ZNF385B: variants seen among roughly 807,000 people sequenced by gnomAD.
The protein encoded by ZNF385B is zinc finger protein 533.
In ZNF385B, 23 loss-of-function variants were observed where a neutral mutation model predicts 39.2. The ratio of observed to expected loss-of-function variants is 0.59; its 90% CI spans 0.42 to 0.83. The LOEUF is 0.83. ZNF385B is among the 40% of genes least tolerant of loss of function. The probability of loss-of-function intolerance (pLI) is 0.00; values close to 1 mark genes in which losing one functional copy is unlikely to be tolerated. For synonymous variants in ZNF385B, 205 were observed against 222.6 expected (o/e 0.92, Z 0.70); for missense variants, 552 against 598.9 (o/e 0.92, Z 0.82).
At chr2:179,753,195 T>C (rs1211512215) in intron 3 of ZNF385B, among the ~76,000 whole-genome samples, 1 of 152,226 alleles carries the variant, frequency 6.6e-6, no homozygotes, top group Non-Finnish European at 1.5e-5. Flanking sequence ...TAGGGAATCA[T>C]TTCCCCATTT....
intron 3 of ZNF385B, among the ~76,000 whole-genome samples, chr2:179,688,479 G>A (rs2106338625): frequency 7.6e-6 from 1 of 132,376 alleles, no homozygotes; most frequent in East Asian, 2.2e-4. Flanking sequence ...ACCCCACCCT[G>A]TCCCCCTGCA....
chr2:179,753,574 G>C (rs944094532), intron 3 of ZNF385B, among the ~76,000 whole-genome samples: 3 of 152,112 alleles, frequency 2.0e-5, no homozygotes, highest in African/African-American at 7.2e-5. Context: ...CCATGACCAT[G>C]GAATTCTTCC....
At chr2:179,663,579 G>A (rs1011102301) in intron 3 of ZNF385B, among the ~76,000 whole-genome samples, 4 of 151,940 alleles carry the variant, frequency 2.6e-5, no homozygotes, top group Admixed American at 6.6e-5. Flanking sequence ...GCGTGGTGGC[G>A]GGCGCCTGTA....
chr2:179,571,219 A>C (rs912792811), intron 3 of ZNF385B, among the ~76,000 whole-genome samples: 1 of 152,202 alleles, frequency 6.6e-6, no homozygotes, highest in South Asian at 2.1e-4. Flanking sequence ...TGCTCCAAAC[A>C]TCTTTTTATG....
intron 3 of ZNF385B, among the ~76,000 whole-genome samples, chr2:179,692,488 T>C (rs1180539434): frequency 2.6e-5 from 4 of 152,162 alleles, no homozygotes; most frequent in Admixed American, 2.6e-4. Context: ...TAGATAATCT[T>C]GATGTGACCT....
chr2:179,529,298 T>C (rs2059118658), intron 4 of ZNF385B, among the ~76,000 whole-genome samples: 1 of 152,156 alleles, frequency 6.6e-6, no homozygotes, highest in Admixed American at 6.5e-5. Flanking sequence ...CTAAGAAAAC[T>C]CTGTGCTTTT....
At position 179,518,605 on chromosome 2, in the gene ZNF385B, T is replaced by C. The variant is rs1421952428; in HGVS notation, c.475A>G (p.Thr159Ala). The part of the protein sequence containing the change: ...DPVQKAVINH[T>A]FGVSIPPKKK... ...TTTGGGGGAATGGATACTCCAAATGTATGGTTAATAACCGCTTTTTGCACA... is the reference window on the plus strand; with the variant it reads ...TTTGGGGGAATGGATACTCCAAATGCATGGTTAATAACCGCTTTTTGCACA... The change falls in exon 5 of 10, where the codon ACA becomes GCA. Residue 159 changes from threonine to alanine, a missense_variant. Thr to Ala is a moderately conservative substitution (Grantham distance 58). Transcript: ENST00000410066. The C allele has an allele frequency of 6.2e-7, 1 of 1,604,606 alleles. No homozygotes were observed. Among genetic ancestry groups the C allele is most frequent in the Non-Finnish European group, 8.5e-7 (1 of 1,176,854 alleles).
rs79009621 is a variant in ZNF385B, at chr2:179,744,724, T to A, written c.298+24779A>T. Among the ~76,000 whole-genome samples the A allele has an allele frequency of 3.8e-3, 574 of 152,270 alleles. 1 individual carries two copies. Among genetic ancestry groups the A allele is most frequent in the Non-Finnish European group, 6.8e-3 (461 of 67,994 alleles). On this transcript the variant is annotated intron_variant, in intron 3 of 9. Transcript: ENST00000410066. The stretch of plus-strand genomic sequence containing the variant: ...TACACTTATATACATACACACCCCA[T>A]GTGCCATGCTAGCTGCTTCCAATCA...
intron 6 of ZNF385B, among the ~76,000 whole-genome samples, chr2:179,450,372 C>G (rs943705233): frequency 6.6e-6 from 1 of 152,148 alleles, no homozygotes; most frequent in Non-Finnish European, 1.5e-5. Flanking sequence ...GGGCTAATAT[C>G]CAGAATCTAC....
intron 5 of ZNF385B, among the ~76,000 whole-genome samples, chr2:179,492,357 G>GT (rs1458830525): frequency 6.6e-6 from 1 of 152,178 alleles, no homozygotes; most frequent in Non-Finnish European, 1.5e-5. Flanking sequence ...CATTAAAGCT[G>GT]TGACTCTATA....
At chr2:179,543,053 C>G (rs914753609) in intron 4 of ZNF385B, among the ~76,000 whole-genome samples, 1 of 152,122 alleles carries the variant, frequency 6.6e-6, no homozygotes, top group Non-Finnish European at 1.5e-5. Context: ...GGGTGAATCA[C>G]CTGAGGCCAG....
rs139668597 is a variant in ZNF385B at position 179,472,852 on chromosome 2, A to G, written c.715+10420T>C. 7.9e-4 allele frequency among the ~76,000 whole-genome samples: 121 copies of G among 152,266 alleles called. 1 individual carries two copies. In the East Asian group the frequency reaches 0.021, roughly 27 times the overall value. On this transcript the variant is annotated intron_variant, in intron 6 of 9. Coordinates refer to ENST00000410066, the MANE Select transcript of ZNF385B (RefSeq NM_152520.6). ...GTGGCATCCAGTATTCTCTTTCCAC[A>G]GATGGGGATGTGTTAGATCGTTCTT...
intron 5 of ZNF385B, among the ~76,000 whole-genome samples, chr2:179,498,818 G>A (rs1574464730): frequency 6.6e-6 from 1 of 151,496 alleles, no homozygotes; most frequent in African/African-American, 2.4e-5. Context: ...TAGAAAAAAA[G>A]AATAGAGTAG....
At chr2:179,657,775 A>G (rs1375050174) in intron 3 of ZNF385B, among the ~76,000 whole-genome samples, 3 of 152,242 alleles carry the variant, frequency 2.0e-5, no homozygotes, top group East Asian at 3.8e-4. Flanking sequence ...TTAAAGTATT[A>G]TGCTTGACAC....
intron 4 of ZNF385B, among the ~76,000 whole-genome samples, chr2:179,534,106 A>G (rs17816271): frequency 0.11 from 16,952 of 152,238 alleles, 1,196 homozygotes; most frequent in Middle Eastern, 0.27. Context: ...CTCTAGCATT[A>G]TCTCATTCAG....
chr2:179,488,624 C>A lies in ZNF385B; in HGVS notation c.553-5190G>T, dbSNP rs188123600. 2.8e-4 allele frequency among the ~76,000 whole-genome samples: 42 copies of A among 151,844 alleles called. No individual in the cohort carries two copies. In the East Asian group the frequency reaches 7.1e-3, roughly 26 times the overall value. The stretch of plus-strand genomic sequence containing the variant: ...CTATATATTTACCAATAGAACCAAC[C>A]TTTTTTTGCATTTTAAAAAGTAATT... On this transcript the variant is annotated intron_variant, in intron 5 of 9. Coordinates refer to ENST00000410066, the MANE Select transcript of ZNF385B (RefSeq NM_152520.6).
Position 179,444,950 on chromosome 2 carries a change from G to A in ZNF385B, c.1168C>T (p.Arg390Ter), listed in dbSNP as rs761704803. Residue 390 changes from arginine to a stop codon, truncating the protein, a stop_gained, in exon 9 of 10, where the codon CGA becomes TGA. Transcript: ENST00000410066. LOFTEE classifies it high-confidence loss of function. ...GGCTTCAGTGGTTTCCCTGCAACTC[G>A]ATCTTTATGCCTTCGGCTAGAAATG... ...QHISSRRHKD[R>*]VAGKPLKPKY... is the part of the protein sequence containing the mutation. 3 of 1,614,094 alleles carry A rather than the reference G, an allele frequency of 1.9e-6. No homozygotes were observed. Among genetic ancestry groups the A allele is most frequent in the South Asian group, 1.1e-5 (1 of 91,064 alleles).
chr2:179,836,255 A>C (rs1303685387), intron 1 of ZNF385B, among the ~76,000 whole-genome samples: 1 of 152,142 alleles, frequency 6.6e-6, no homozygotes, highest in Non-Finnish European at 1.5e-5. Context: ...TGATGAAGGG[A>C]TCTTGCCTCT....
chr2:179,829,836 C>T (rs1357695236), intron 1 of ZNF385B, among the ~76,000 whole-genome samples: 1 of 152,094 alleles, frequency 6.6e-6, no homozygotes, highest in Admixed American at 6.5e-5. Flanking sequence ...TTAGATGCAA[C>T]ACCAAAAGCA....
Sources: allele counts gnomAD v4.1 joint callset (sites outside exome capture counted in the v4.1 genomes callset), GRCh38; gene constraint gnomAD v4.1.1; transcripts MANE v1.5; gene names NCBI Gene and HGNC (gene_info 2026-07-23, HGNC 2026-07-21).